TMEM266: variants seen among roughly 807,000 people sequenced by gnomAD.
TMEM266 encodes the protein transmembrane protein 266, also known as Hv1 related protein 1.
A neutral mutation model predicts 50.5 loss-of-function variants in TMEM266; 33 were observed. The observed-to-expected ratio is 0.65, with a 90% confidence interval of 0.50 to 0.87. The LOEUF (loss-of-function observed/expected upper bound fraction) is 0.87. Ranked by LOEUF, TMEM266 falls within the 40% of genes least tolerant of loss-of-function variation. The probability of loss-of-function intolerance (pLI) is 0.00; values close to 1 mark genes in which losing one functional copy is unlikely to be tolerated. For missense variants in TMEM266, 655 were observed against 695.1 expected, an observed-to-expected ratio of 0.94 and a Z score of 0.65; for synonymous variants, 310 against 292.3, an observed-to-expected ratio of 1.06 and a Z score of -0.62.
At chr15:76,145,102 A>G (rs2037737102) in intron 3 of TMEM266, among the ~76,000 whole-genome samples, 1 of 152,190 alleles carries the variant, frequency 6.6e-6, no homozygotes, top group Admixed American at 6.5e-5. Context: ...AGATTGGTCC[A>G]GAGACTCACC....
At chr15:76,184,179 C>CTT (rs1430622136) in intron 8 of TMEM266, among the ~76,000 whole-genome samples, 1 of 152,214 alleles carries the variant, frequency 6.6e-6, no homozygotes, top group Non-Finnish European at 1.5e-5. Context: ...CCTACAGAGG[C>CTT]CACAAGTTCC....
chr15:76,204,329 C>A lies in TMEM266; in HGVS notation c.*14C>A. The A allele has an allele frequency of 6.3e-7, 1 of 1,581,714 alleles. No individual in the cohort carries two copies. The highest frequency in any genetic ancestry group is 1.1e-5 in the South Asian group (1 of 87,656). On this transcript the variant is annotated 3_prime_UTR_variant, in exon 11 of 11. Transcript: ENST00000388942. The stretch of plus-strand genomic sequence containing the variant: ...CCTGAGGCCTAGAGCCTGCCATGGG[C>A]TGGGTGAGATGAGGGGAGACAGCCA...
chr15:76,173,999 TAC>T (rs2038229853), intron 7 of TMEM266, among the ~76,000 whole-genome samples: 1 of 151,512 alleles, frequency 6.6e-6, no homozygotes, highest in Admixed American at 6.6e-5. Context: ...TGGCCTTGAC[TAC>T]AGTCACTTAC....
chr15:76,086,247 T>A (rs1314768058), intron 1 of TMEM266, among the ~76,000 whole-genome samples: 1 of 152,124 alleles, frequency 6.6e-6, no homozygotes, highest in African/African-American at 2.4e-5. Context: ...AGACATTATG[T>A]TGAGCTGAAG....
rs545483339 is a variant in TMEM266, at chr15:76,139,444, C to A, written c.227+1549C>A. Among the ~76,000 whole-genome samples, 1 of 152,334 alleles carries A rather than the reference C, an allele frequency of 6.6e-6. No homozygotes were observed. The highest frequency in any genetic ancestry group is 1.9e-4 in the East Asian group (1 of 5,182). Reference sequence around the variant, plus strand: ...GTCAGGTCCTTACCATCTTGAAGGCCGGGCTGAAACCTGAGGCCCCTGGGC... The same window carrying A: ...GTCAGGTCCTTACCATCTTGAAGGCAGGGCTGAAACCTGAGGCCCCTGGGC... On this transcript the variant is annotated intron_variant, in intron 3 of 10. Transcript: ENST00000388942. The surrounding 1 kb of genome is among the most constrained non-coding windows in gnomAD (Gnocchi z 4.1).
chr15:76,118,119 C>T (rs1314391994), intron 1 of TMEM266, among the ~76,000 whole-genome samples: 1 of 152,214 alleles, frequency 6.6e-6, no homozygotes, highest in African/African-American at 2.4e-5. Flanking sequence ...TGGGAAGATC[C>T]ACAGCCTTTT....
chr15:76,105,377 C>T (rs2037065374), intron 1 of TMEM266, among the ~76,000 whole-genome samples: 1 of 152,254 alleles, frequency 6.6e-6, no homozygotes, highest in African/African-American at 2.4e-5. Context: ...TCCCTTTCAT[C>T]TCCCTGGTGC....
chr15:76,163,311 G>C (rs976964770), intron 5 of TMEM266, among the ~76,000 whole-genome samples: 4 of 152,208 alleles, frequency 2.6e-5, no homozygotes, highest in Non-Finnish European at 4.4e-5. Flanking sequence ...GCTGGTTTGG[G>C]CTCCGTTTGA....
intron 1 of TMEM266, among the ~76,000 whole-genome samples, chr15:76,119,391 CAAA>C (rs57532855): frequency 2.3e-4 from 25 of 109,742 alleles, no homozygotes; most frequent in African/African-American, 6.9e-4. Flanking sequence ...GGGTTTATGG[CAAA>C]AAAAAAAAAA....
chr15:76,199,934 G>T (rs572522672), intron 9 of TMEM266, among the ~76,000 whole-genome samples: 2 of 152,194 alleles, frequency 1.3e-5, no homozygotes, highest in Non-Finnish European at 2.9e-5. Flanking sequence ...CATGTAGACC[G>T]TGAGTAGAAA....
intron 1 of TMEM266, among the ~76,000 whole-genome samples, chr15:76,083,111 C>G (rs529126993): frequency 6.6e-6 from 1 of 152,246 alleles, no homozygotes; most frequent in South Asian, 2.1e-4. Context: ...TAGTTCCCAC[C>G]TCCAACACTG....
rs1365930279 is a variant in TMEM266, at chr15:76,168,861, C to T, written c.457-955C>T. Among the ~76,000 whole-genome samples, 2 of 152,148 alleles carry T rather than the reference C, an allele frequency of 1.3e-5. No individual in the cohort carries two copies. Among genetic ancestry groups the T allele is most frequent in the Non-Finnish European group, 2.9e-5 (2 of 68,022 alleles). ...GGCACCAGCTGAGCCGGGGAGTGTG[C>T]AAGAGCTTCATGGAGGTGACGTTCA... is the stretch of plus-strand genomic sequence containing the variant. On this transcript the variant is annotated intron_variant, in intron 5 of 10. Coordinates refer to ENST00000388942, the MANE Select transcript of TMEM266 (RefSeq NM_152335.3). This position sits in a 1 kb window ranked among gnomAD's most constrained non-coding sequence, Gnocchi z 4.4.
At chr15:76,071,871 G>A (rs2036544682) in intron 1 of TMEM266, among the ~76,000 whole-genome samples, 1 of 152,070 alleles carries the variant, frequency 6.6e-6, no homozygotes, top group African/African-American at 2.4e-5. Context: ...TTTGAACTGG[G>A]TGTCAAGTTA....
intron 9 of TMEM266, among the ~76,000 whole-genome samples, chr15:76,193,750 T>C (rs1333697159): frequency 6.6e-6 from 1 of 152,226 alleles, no homozygotes; most frequent in Non-Finnish European, 1.5e-5. Flanking sequence ...CACTGAGGCC[T>C]GGTCCCCTGC....
intron 1 of TMEM266, among the ~76,000 whole-genome samples, chr15:76,081,733 T>C (rs2036697666): frequency 6.6e-6 from 1 of 152,184 alleles, no homozygotes; most frequent in African/African-American, 2.4e-5. Flanking sequence ...GGCGAATGTA[T>C]GAGAAAGCTT....
At chr15:76,065,471 G>A (rs1377037386) in intron 1 of TMEM266, among the ~76,000 whole-genome samples, 2 of 152,084 alleles carry the variant, frequency 1.3e-5, no homozygotes, top group Non-Finnish European at 1.5e-5. Context: ...CTCCTTCCTA[G>A]CGGTGTCCGT....
intron 7 of TMEM266, among the ~76,000 whole-genome samples, chr15:76,171,910 G>A (rs550457649): frequency 6.6e-6 from 1 of 152,300 alleles, no homozygotes; most frequent in Non-Finnish European, 1.5e-5. Context: ...GAAGAATGGT[G>A]CAGGATACTG....
intron 10 of TMEM266, 147 bp from the exon 11 acceptor site, chr15:76,203,594 T>C (rs1276521012): frequency 9.9e-6 from 7 of 705,662 alleles, no homozygotes; most frequent in African/African-American, 3.6e-5. Flanking sequence ...TGGGAGGGAG[T>C]TCTACCAAGG....
chr15:76,070,012 C>T (rs1179360580), intron 1 of TMEM266, among the ~76,000 whole-genome samples: 2 of 152,008 alleles, frequency 1.3e-5, no homozygotes, highest in Non-Finnish European at 2.9e-5. Context: ...ACGTTTATTG[C>T]ATTTATTGAA....
Sources: gnomAD v4.1 joint callset for allele counts (sites outside exome capture counted in the v4.1 genomes callset) on GRCh38, gnomAD v4.1.1 for gene constraint, Gnocchi (gnomAD v3.1) non-coding constraint, MANE v1.5 for transcripts, NCBI Gene and HGNC (gene_info 2026-07-23, HGNC 2026-07-21) for gene names.